The following EPHA5 variants were observed in gnomAD, a reference collection of about 807,000 sequenced individuals.
EPHA5 encodes the protein EPH receptor A5, also known as ephrin type-A receptor 5.
A neutral mutation model predicts 105.0 loss-of-function variants in EPHA5; 60 were observed. The observed-to-expected ratio is 0.57, with a 90% CI of 0.46 to 0.71. The LOEUF (loss-of-function observed/expected upper bound fraction) is 0.71. Ranked by LOEUF, EPHA5 falls within the 30% of genes least tolerant of loss-of-function variation. EPHA5 has a pLI of 0.00. For missense variants in EPHA5, 1,218 were observed against 1,274.7 expected, an observed-to-expected ratio of 0.96 and a Z score of 0.68; for synonymous variants, 513 against 449.1, an observed-to-expected ratio of 1.14 and a Z score of -1.80.
At position 65,605,126 on chromosome 4, in the gene EPHA5, G is replaced by A. The variant is rs972652026; in HGVS notation, c.247-2822C>T. Among the ~76,000 whole-genome samples, 6 of 151,980 alleles carry A rather than the reference G, an allele frequency of 3.9e-5. No individual in the cohort carries two copies. In the East Asian group the frequency reaches 5.8e-4, roughly 15 times the overall value. ...CCGTTAAGAATAAATAACTGGTTAC[G>A]CAGCTTGGGTTTGCTTGATTTATCT... On this transcript the variant is annotated intron_variant, in intron 2 of 16. Transcript: ENST00000613740.
intron 6 of EPHA5, among the ~76,000 whole-genome samples, chr4:65,416,064 A>G (rs1020185997): frequency 2.0e-5 from 3 of 152,076 alleles, no homozygotes; most frequent in African/African-American, 7.2e-5. Context: ...CAGTCTGGCT[A>G]TGATTGCAGT....
intron 11 of EPHA5, among the ~76,000 whole-genome samples, chr4:65,353,952 G>A (rs1723067723): frequency 6.6e-6 from 1 of 151,704 alleles, no homozygotes; most frequent in Non-Finnish European, 1.5e-5. Context: ...TTTCATATCT[G>A]ACATTGACAT....
At position 65,324,194 on chromosome 4, in the gene EPHA5, G is replaced by C. The variant is rs766428215; in HGVS notation, c.2971C>G (p.Leu991Val). The C allele has an allele frequency of 6.2e-7, 1 of 1,609,182 alleles. No individual in the cohort carries two copies. The highest frequency in any genetic ancestry group is 1.7e-4 in the Middle Eastern group (1 of 6,048). ...LEDLRRLGVT[L>V]VGHQKKIMNS... ...ATGATCTTCTTCTGGTGACCGACAA[G>C]AGTCACTCCAAGCCGTCTCAAATCC... is the stretch of plus-strand genomic sequence containing the variant. Residue 991 changes from leucine (L) to valine (V), a missense_variant, in exon 17 of 17, where the codon CTT becomes GTT. Leu to Val is a conservative substitution (Grantham distance 32, BLOSUM62 1). Coordinates refer to ENST00000613740, the MANE Select transcript of EPHA5 (RefSeq NM_001281766.3).
chr4:65,411,876 T>C (rs1216743146), intron 7 of EPHA5, among the ~76,000 whole-genome samples: 1 of 152,162 alleles, frequency 6.6e-6, no homozygotes, highest in Non-Finnish European at 1.5e-5. Context: ...TTACAGCATC[T>C]TGAGCTAAAA....
chr4:65,568,033 G>C (rs1430704760), intron 3 of EPHA5, among the ~76,000 whole-genome samples: 1 of 151,358 alleles, frequency 6.6e-6, no homozygotes, highest in Non-Finnish European at 1.5e-5. Flanking sequence ...AATTGAAAAA[G>C]TGTTTCATTT....
intron 16 of EPHA5, among the ~76,000 whole-genome samples, chr4:65,328,648 A>G: frequency 6.7e-6 from 1 of 149,038 alleles, no homozygotes; most frequent in African/African-American, 2.4e-5. Context: ...TATGTTTGTC[A>G]TTTTTTTTTT....
At chr4:65,500,421 T>C (rs1732367668) in intron 3 of EPHA5, among the ~76,000 whole-genome samples, 1 of 151,270 alleles carries the variant, frequency 6.6e-6, no homozygotes, top group Non-Finnish European at 1.5e-5. Context: ...GTATATATGC[T>C]AATCTGCAAG....
intron 5 of EPHA5, among the ~76,000 whole-genome samples, chr4:65,476,199 A>C (rs2149174996): frequency 6.6e-6 from 1 of 151,248 alleles, no homozygotes; most frequent in Non-Finnish European, 1.5e-5. Context: ...TGTATATACT[A>C]AATCATAAAT....
Position 65,319,935 on chromosome 4 carries a change from G to A in EPHA5, c.*4179C>T, listed in dbSNP as rs1053739474. 3 of 230,054 alleles carry A rather than the reference G, an allele frequency of 1.3e-5. No homozygotes were observed. Among genetic ancestry groups the A allele is most frequent in the Non-Finnish European group, 2.6e-5 (3 of 116,084 alleles). 14.3% of individuals were successfully genotyped at this position (230,054 alleles called of 1,614,324 possible). ...TATGTTGACCACTGAAACTTCTACT[G>A]TGAATACAGTTCCCAGCCTGAATAA... On this transcript the variant is annotated 3_prime_UTR_variant, in exon 17 of 17. Coordinates refer to ENST00000613740, the MANE Select transcript of EPHA5 (RefSeq NM_001281766.3).
At chr4:65,481,553 T>C (rs1299940723) in intron 5 of EPHA5, among the ~76,000 whole-genome samples, 1 of 152,186 alleles carries the variant, frequency 6.6e-6, no homozygotes, top group Non-Finnish European at 1.5e-5. Context: ...TTTAAGGTGG[T>C]TAACTGATGG....
chr4:65,416,012 A>T (rs982503584), intron 6 of EPHA5, among the ~76,000 whole-genome samples: 3 of 152,038 alleles, frequency 2.0e-5, no homozygotes, highest in Non-Finnish European at 2.9e-5. Context: ...TTATTTTCCC[A>T]TATTGTTTAA....
At chr4:65,481,237 T>G (rs1431538960) in intron 5 of EPHA5, among the ~76,000 whole-genome samples, 1 of 152,216 alleles carries the variant, frequency 6.6e-6, no homozygotes, top group Admixed American at 6.5e-5. Flanking sequence ...TCAGAGCATC[T>G]CTTGTCTCTT....
At chr4:65,556,122 G>A (rs1282771235) in intron 3 of EPHA5, among the ~76,000 whole-genome samples, 2 of 152,122 alleles carry the variant, frequency 1.3e-5, no homozygotes. Flanking sequence ...AATATCAGTA[G>A]CCAGTTCTGG....
chr4:65,516,158 C>A (rs558872943), intron 3 of EPHA5, among the ~76,000 whole-genome samples: 11 of 152,204 alleles, frequency 7.2e-5, no homozygotes, highest in Non-Finnish European at 4.4e-5. Flanking sequence ...AGTCTAAAAT[C>A]GACCTATAAC....
At chr4:65,411,968 C>T (rs1722952972) in intron 7 of EPHA5, among the ~76,000 whole-genome samples, 1 of 152,138 alleles carries the variant, frequency 6.6e-6, no homozygotes, top group Non-Finnish European at 1.5e-5. Flanking sequence ...GTGGCTGACG[C>T]CTGTAATCCC....
intron 3 of EPHA5, among the ~76,000 whole-genome samples, chr4:65,531,509 A>G (rs1242439550): frequency 6.8e-6 from 1 of 146,324 alleles, no homozygotes; most frequent in Non-Finnish European, 1.5e-5. Flanking sequence ...AAGAGGATAT[A>G]CTGAGATGTC....
intron 14 of EPHA5, 38 bp from the exon 15 acceptor site, chr4:65,336,163 C>G (rs1243567486): frequency 2.6e-6 from 4 of 1,526,304 alleles, no homozygotes; most frequent in Non-Finnish European, 3.5e-6. Flanking sequence ...CCCAACACCA[C>G]AAATTTAGTA....
chr4:65,459,196 A>G (rs1186448288), intron 5 of EPHA5, among the ~76,000 whole-genome samples: 1 of 152,054 alleles, frequency 6.6e-6, no homozygotes, highest in East Asian at 1.9e-4. Context: ...TCCTAATTCA[A>G]ATAGGATATT....
chr4:65,570,091 G>A (rs1181584480), intron 3 of EPHA5, among the ~76,000 whole-genome samples: 1 of 151,490 alleles, frequency 6.6e-6, no homozygotes, highest in African/African-American at 2.4e-5. Context: ...TAGATCACTG[G>A]GCAACTTAGT....
Sources: gnomAD v4.1 joint callset for allele counts (sites outside exome capture counted in the v4.1 genomes callset) on GRCh38, gnomAD v4.1.1 for gene constraint, MANE v1.5 for transcripts, NCBI Gene and HGNC (gene_info 2026-07-23, HGNC 2026-07-21) for gene names.